WDR27: variants seen among roughly 807,000 people sequenced by gnomAD.
The protein encoded by WDR27 is WD repeat-containing protein 27.
WDR27 carries 100 observed loss-of-function variants against 114.4 expected under a neutral mutation model. The observed-to-expected ratio is 0.87, with a 90% CI of 0.74 to 1.03. The LOEUF is 1.03. WDR27 is among the 50% of genes least tolerant of loss of function. The pLI, the probability that WDR27 is intolerant of heterozygous loss-of-function variation, is 0.00. For synonymous variants in WDR27, 449 were observed against 423.1 expected (o/e 1.06, Z -0.75); for missense variants, 1,129 against 1,092.9 (o/e 1.03, Z -0.47).
At chr6:169,656,515 G>A (rs1194164727) in intron 13 of WDR27, among the ~76,000 whole-genome samples, 2 of 152,132 alleles carry the variant, frequency 1.3e-5, no homozygotes, top group Non-Finnish European at 2.9e-5. Context: ...GGCGGGGTGG[G>A]GGGAAAGCAT....
intron 21 of WDR27, among the ~76,000 whole-genome samples, chr6:169,621,103 AAATG>A (rs1400025191): frequency 1.3e-5 from 2 of 152,218 alleles, no homozygotes; most frequent in African/African-American, 2.4e-5. Context: ...TAGATATTTT[AAATG>A]AATTAATTAA....
In WDR27 at chr6:169,572,543, C is replaced by CAAAAAAAAAAA. The variant is rs376783967; in HGVS notation, c.2524-14_2524-4dup. 6 of 92,422 alleles carry CAAAAAAAAAAA rather than the reference C, an allele frequency of 6.5e-5. No individual in the cohort carries two copies. The highest frequency in any genetic ancestry group is 2.9e-4 in the African/African-American group (5 of 17,312). 5.7% of individuals were successfully genotyped at this position (92,422 alleles called of 1,614,324 possible). A position where few individuals can be genotyped will look rare whatever the true frequency, so the allele number is the denominator to read the frequency against. ...TGGGCGACAGAGCGAGACTCCATCTCAAAAAAAAAAAAAAAAAAAAAAAAA... is the reference window on the plus strand; with the variant it reads ...TGGGCGACAGAGCGAGACTCCATCTCAAAAAAAAAAAAAAAAAAAAAAAAAAAAAAAAAAAA... On this transcript the variant is annotated splice_polypyrimidine_tract_variant and splice_region_variant and intron_variant, in intron 24 of 25. Coordinates refer to ENST00000448612, the MANE Select transcript of WDR27 (RefSeq NM_182552.5).
chr6:169,559,620 GAA>G (rs1377646211), intron 25 of WDR27: 1 of 152,148 alleles, frequency 6.6e-6, no homozygotes, highest in Admixed American at 6.5e-5. Context: ...ATTTGAGAAG[GAA>G]ACCTTTCTCC....
intron 25 of WDR27, among the ~76,000 whole-genome samples, chr6:169,530,404 G>T (rs1262591619): frequency 1.3e-5 from 2 of 152,180 alleles, no homozygotes; most frequent in Non-Finnish European, 2.9e-5. Flanking sequence ...CTTTTCTCTT[G>T]TCCCTCCTTT....
the WDR27 span, among the ~76,000 whole-genome samples, chr6:169,442,954 C>T: frequency 1.3e-5 from 2 of 152,184 alleles, no homozygotes; most frequent in African/African-American, 4.8e-5. Flanking sequence ...ATAACTGATA[C>T]AATTCTGCAA....
chr6:169,512,093 A>T (rs1380310398), intron 25 of WDR27, among the ~76,000 whole-genome samples: 2 of 152,194 alleles, frequency 1.3e-5, no homozygotes, highest in Non-Finnish European at 2.9e-5. Context: ...ATTATTATAA[A>T]TTATTTCCTT....
chr6:169,594,145 T>C (rs1376448624), intron 23 of WDR27, among the ~76,000 whole-genome samples: 1 of 152,228 alleles, frequency 6.6e-6, no homozygotes, highest in African/African-American at 2.4e-5. Context: ...GAAACAACAT[T>C]ATTTTCAAGA....
In WDR27 at chr6:169,659,607, G is replaced by T; in HGVS notation, c.1130-89C>A. The stretch of plus-strand genomic sequence containing the variant: ...CACTGCCCAGAGCCCACCACACACA[G>T]CCCAGAGCCCACCACACACAGTCCA... On this transcript the variant is annotated intron_variant, in intron 10 of 25. Transcript: ENST00000448612. The surrounding 1 kb of genome is among the most constrained non-coding windows in gnomAD (Gnocchi z 4.3). 8.1e-7 allele frequency: 1 copy of T among 1,241,966 alleles called. No homozygotes were observed. Among genetic ancestry groups the T allele is most frequent in the Non-Finnish European group, 1.1e-6 (1 of 873,344 alleles). 76.9% of individuals were successfully genotyped at this position (1,241,966 alleles called of 1,614,324 possible).
intron 23 of WDR27, among the ~76,000 whole-genome samples, chr6:169,589,674 T>C (rs2128151895): frequency 6.6e-6 from 1 of 152,346 alleles, no homozygotes; most frequent in South Asian, 2.1e-4. Flanking sequence ...ATCAATATTT[T>C]AGTAGATAGG....
intron 2 of WDR27, among the ~76,000 whole-genome samples, chr6:169,676,526 T>C (rs935766221): frequency 2.6e-5 from 4 of 152,208 alleles, no homozygotes; most frequent in African/African-American, 9.6e-5. Flanking sequence ...CTTTCCTTTG[T>C]AGGCCTTTTT....
intron 23 of WDR27, among the ~76,000 whole-genome samples, chr6:169,597,373 T>A (rs1437998228): frequency 1.3e-5 from 2 of 152,162 alleles, no homozygotes; most frequent in South Asian, 2.1e-4. Context: ...GACATACTTG[T>A]AATTTTTGAC....
chr6:169,511,252 A>G (rs1007588814), intron 25 of WDR27, among the ~76,000 whole-genome samples: 32 of 152,198 alleles, frequency 2.1e-4, no homozygotes, highest in African/African-American at 7.2e-4. Context: ...TAACAGGCAA[A>G]TATCAAGTGT....
At position 169,698,126 on chromosome 6, in the gene WDR27, G is replaced by A. The variant is rs1032062814; in HGVS notation, c.-8+3425C>T. ...GTCAGGACACATAAGCCACCTTGAC[G>A]AGGAAGCACCAGCCTGCACTCAGAA... On this transcript the variant is annotated intron_variant, in intron 1 of 25. Transcript: ENST00000448612. Among the ~76,000 whole-genome samples, 14 of 152,308 alleles carry A rather than the reference G, an allele frequency of 9.2e-5. No homozygotes were observed. In the East Asian group the frequency reaches 1.2e-3, roughly 13 times the overall value.
At chr6:169,531,987 G>A (rs562032324) in intron 25 of WDR27, among the ~76,000 whole-genome samples, 1 of 152,130 alleles carries the variant, frequency 6.6e-6, no homozygotes, top group Non-Finnish European at 1.5e-5. Context: ...GGCAGATCTT[G>A]AAGGTTCTAT....
At chr6:169,438,328 C>T in the WDR27 span, among the ~76,000 whole-genome samples, 1 of 151,184 alleles carries the variant, frequency 6.6e-6, no homozygotes, top group African/African-American at 2.4e-5. Flanking sequence ...AGCTCCGCCT[C>T]CCAGGTTCAT....
chr6:169,445,677 A>T, the WDR27 span, among the ~76,000 whole-genome samples: 1 of 152,214 alleles, frequency 6.6e-6, no homozygotes, highest in Admixed American at 6.5e-5. Flanking sequence ...GAACTATGAA[A>T]TGCACCTGAG....
chr6:169,448,059 T>A, the WDR27 span, among the ~76,000 whole-genome samples: 1 of 152,208 alleles, frequency 6.6e-6, no homozygotes, highest in East Asian at 1.9e-4. Context: ...TATTTTGTTA[T>A]ACTATTAATA....
chr6:169,634,696 A>G (rs1481909370), intron 19 of WDR27, among the ~76,000 whole-genome samples, 171 bp from the exon 20 acceptor site: 2 of 152,044 alleles, frequency 1.3e-5, no homozygotes, highest in Non-Finnish European at 2.9e-5. Flanking sequence ...TTTCTTTAGG[A>G]AAAAAAACCT....
At chr6:169,440,977 G>GT in the WDR27 span, among the ~76,000 whole-genome samples, 15,104 of 151,308 alleles carry the variant, frequency 0.1, 1,014 homozygotes, top group Middle Eastern at 0.17. Context: ...TTGTTGCTGG[G>GT]TTTTTTTTTC....
Sources: gnomAD v4.1 joint callset for allele counts (sites outside exome capture counted in the v4.1 genomes callset) on GRCh38, gnomAD v4.1.1 for gene constraint, Gnocchi (gnomAD v3.1) non-coding constraint, MANE v1.5 for transcripts, NCBI Gene and HGNC (gene_info 2026-07-23, HGNC 2026-07-21) for gene names.